CDH13: variants seen among roughly 807,000 people sequenced by gnomAD.
The protein encoded by CDH13 is cadherin-13.
CDH13 carries 24 observed loss-of-function variants against 63.8 expected under a neutral mutation model. The observed-to-expected ratio is 0.38, with a 90% CI of 0.27 to 0.53. CDH13 has a LOEUF of 0.53. Among genes scored for constraint, CDH13 ranks in the 20% least tolerant of loss-of-function variants. CDH13 has a pLI of 0.85. For synonymous variants in CDH13, 503 were observed against 355.3 expected, an observed-to-expected ratio of 1.42 and a Z score of -4.67; for missense variants, 1,049 against 903.1, an observed-to-expected ratio of 1.16 and a Z score of -2.07.
At chr16:83,033,498 A>T (rs1916568717) in intron 3 of CDH13, among the ~76,000 whole-genome samples, 1 of 152,116 alleles carries the variant, frequency 6.6e-6, no homozygotes, top group South Asian at 2.1e-4. Context: ...TACACATACT[A>T]TATATGCGCA....
At chr16:82,968,862 G>C (rs766761975) in intron 2 of CDH13, among the ~76,000 whole-genome samples, 2 of 152,214 alleles carry the variant, frequency 1.3e-5, no homozygotes, top group African/African-American at 4.8e-5. Context: ...GCTCACGCCT[G>C]TAATCCCAGC....
chr16:83,294,457 C>A (rs1368672820), intron 5 of CDH13, among the ~76,000 whole-genome samples: 1 of 152,130 alleles, frequency 6.6e-6, no homozygotes, highest in Non-Finnish European at 1.5e-5. Flanking sequence ...GTGAGCTCAA[C>A]ATTTTAGCAT....
At chr16:83,647,860 G>C (rs895314140) in intron 8 of CDH13, among the ~76,000 whole-genome samples, 9 of 152,132 alleles carry the variant, frequency 5.9e-5, no homozygotes, top group African/African-American at 2.2e-4. Flanking sequence ...CCAGAAAGTT[G>C]ATAGCCACGA....
intron 1 of CDH13, among the ~76,000 whole-genome samples, chr16:82,690,148 A>G (rs1343418188): frequency 6.8e-6 from 1 of 147,552 alleles, no homozygotes; most frequent in African/African-American, 2.5e-5. Flanking sequence ...AGCCTGGGCA[A>G]CAAGAAACTC....
chr16:83,228,548 C>T (rs2151800123), intron 5 of CDH13, among the ~76,000 whole-genome samples: 1 of 152,362 alleles, frequency 6.6e-6, no homozygotes, highest in Middle Eastern at 3.4e-3. Flanking sequence ...GTTACAGGTT[C>T]AGCCTTCGGA....
rs1907953828 is a variant in CDH13 at position 83,602,570 on chromosome 16, C to G, written c.1077C>G (p.His359Gln). 10 of 1,613,988 alleles carry G rather than the reference C, an allele frequency of 6.2e-6. No homozygotes were observed. Among genetic ancestry groups the G allele is most frequent in the Non-Finnish European group, 8.5e-6 (10 of 1,179,866 alleles). ...ATIMIDDKND[H>Q]SPKFTKKEFQ... ...TCATGATCGATGACAAAAATGATCA[C>G]TCACCAAAATTCACCAAGAAAGAGG... is the stretch of plus-strand genomic sequence containing the variant. Residue 359 changes from histidine (H) to glutamine (Q), a missense_variant, in exon 8 of 14, where the codon CAC becomes CAG. Physicochemically the swap from His to Gln is conservative, Grantham distance 24. Coordinates refer to ENST00000567109, the MANE Select transcript of CDH13 (RefSeq NM_001257.5).
chr16:83,068,861 G>A (rs1456193216), intron 3 of CDH13, among the ~76,000 whole-genome samples: 2 of 152,164 alleles, frequency 1.3e-5, no homozygotes, highest in South Asian at 2.1e-4. Flanking sequence ...TCAATTTCTG[G>A]CCAATGTCTA....
At chr16:83,107,819 C>A (rs920895407) in intron 3 of CDH13, among the ~76,000 whole-genome samples, 1 of 147,188 alleles carries the variant, frequency 6.8e-6, no homozygotes, top group African/African-American at 2.5e-5. Flanking sequence ...TTTTCTTTTC[C>A]TTTTGCTTTT....
chr16:83,493,981 C>T (rs2074077720), intron 7 of CDH13, among the ~76,000 whole-genome samples: 1 of 152,212 alleles, frequency 6.6e-6, no homozygotes, highest in Non-Finnish European at 1.5e-5. Context: ...TAATAAACCT[C>T]AGTCCGTAGG....
At chr16:82,918,184 C>G (rs1438489046) in intron 2 of CDH13, among the ~76,000 whole-genome samples, 1 of 152,060 alleles carries the variant, frequency 6.6e-6, no homozygotes, top group Non-Finnish European at 1.5e-5. Flanking sequence ...ATAATCATCA[C>G]CCTGCAAAAG....
At chr16:83,197,528 C>T in intron 4 of CDH13, among the ~76,000 whole-genome samples, 1 of 152,078 alleles carries the variant, frequency 6.6e-6, no homozygotes, top group Non-Finnish European at 1.5e-5. Context: ...TTAAACACCC[C>T]TTCGTCTCCC....
At chr16:82,668,748 C>T (rs1386844890) in intron 1 of CDH13, among the ~76,000 whole-genome samples, 3 of 152,136 alleles carry the variant, frequency 2.0e-5, no homozygotes, top group Non-Finnish European at 4.4e-5. Context: ...CTTGGGCCTC[C>T]TGGAATGCTC....
chr16:82,813,995 A>G (rs746929916), intron 1 of CDH13, among the ~76,000 whole-genome samples: 5 of 152,114 alleles, frequency 3.3e-5, no homozygotes, highest in Non-Finnish European at 5.9e-5. Flanking sequence ...TTGAGTTCCT[A>G]TTCAAATACC....
chr16:83,766,964 G>T (rs569463797), intron 11 of CDH13, among the ~76,000 whole-genome samples: 3 of 152,114 alleles, frequency 2.0e-5, no homozygotes, highest in Non-Finnish European at 4.4e-5. Flanking sequence ...TGCCATGATT[G>T]TAAGTTTCCT....
At chr16:82,893,900 C>T (rs567201443) in intron 2 of CDH13, among the ~76,000 whole-genome samples, 49 of 152,308 alleles carry the variant, frequency 3.2e-4, no homozygotes, top group African/African-American at 1.2e-3. Context: ...CATCATTCCC[C>T]CGTCCTCACT....
rs71146097 is a variant in CDH13, at chr16:82,929,651, C to CAAAAAAAAAAAAAAA, written c.157+71196_157+71210dup. On this transcript the variant is annotated intron_variant, in intron 2 of 13. Coordinates refer to ENST00000567109, the MANE Select transcript of CDH13 (RefSeq NM_001257.5). ...TGGGGGACAGAGTGAGACTCCATCTCAAAAAAAAAAAAAAAAAAAAAAAAA... is the reference window on the plus strand; with the variant it reads ...TGGGGGACAGAGTGAGACTCCATCTCAAAAAAAAAAAAAAAAAAAAAAAAAAAAAAAAAAAAAAAA... 2.1e-3 allele frequency among the ~76,000 whole-genome samples: 93 copies of CAAAAAAAAAAAAAAA among 44,274 alleles called. 11 individuals are homozygous for CAAAAAAAAAAAAAAA. The highest frequency in any genetic ancestry group is 2.5e-3 in the Non-Finnish European group (76 of 30,176). 29.0% of individuals were successfully genotyped at this position (44,274 alleles called of 152,430 possible). A position where few individuals can be genotyped will look rare whatever the true frequency, so the allele number is the denominator to read the frequency against.
intron 4 of CDH13, among the ~76,000 whole-genome samples, chr16:83,138,440 C>T (rs1382464517): frequency 6.6e-6 from 1 of 152,152 alleles, no homozygotes; most frequent in East Asian, 1.9e-4. Context: ...CGCCTAAGAG[C>T]AGGCAACGCG....
intron 1 of CDH13, among the ~76,000 whole-genome samples, chr16:82,712,005 T>A (rs1472701718): frequency 6.6e-6 from 1 of 152,226 alleles, no homozygotes; most frequent in Non-Finnish European, 1.5e-5. Flanking sequence ...GGCCTCAGCC[T>A]TAACCATTCT....
Position 83,468,284 on chromosome 16 carries a change from G to C in CDH13, c.782-18193G>C, listed in dbSNP as rs117924601. The stretch of plus-strand genomic sequence containing the variant: ...AAAGAGGCAACAGGAGAGAACACAG[G>C]TGCACAGAAGCACAGGCAAGGTGAA... On this transcript the variant is annotated intron_variant, in intron 6 of 13. Coordinates refer to ENST00000567109, the MANE Select transcript of CDH13 (RefSeq NM_001257.5). Among the ~76,000 whole-genome samples the C allele has an allele frequency of 2.1e-3, 326 of 152,272 alleles. 1 individual carries two copies. The highest frequency in any genetic ancestry group is 3.4e-3 in the Middle Eastern group (1 of 294).
Sources: gnomAD v4.1 joint callset for allele counts (sites outside exome capture counted in the v4.1 genomes callset) on GRCh38, gnomAD v4.1.1 for gene constraint, MANE v1.5 for transcripts, NCBI Gene and HGNC (gene_info 2026-07-23, HGNC 2026-07-21) for gene names.